GIPC2: variants seen among roughly 807,000 people sequenced by gnomAD.
GIPC2 encodes the protein PDZ domain-containing protein GIPC2.
A neutral mutation model predicts 30.6 loss-of-function variants in GIPC2; 30 were observed. That is an observed-to-expected ratio of 0.98 (90% CI 0.73 to 1.33). The LOEUF (loss-of-function observed/expected upper bound fraction) is 1.33, where lower values mean the gene tolerates loss of function less well. Among genes scored for constraint, GIPC2 ranks in the 40% most tolerant of loss-of-function variants. The pLI, the probability that GIPC2 is intolerant of heterozygous loss-of-function variation, is 0.00. For synonymous variants in GIPC2, 167 were observed against 150.0 expected, an observed-to-expected ratio of 1.11 and a Z score of -0.83; for missense variants, 414 against 390.3, an observed-to-expected ratio of 1.06 and a Z score of -0.51.
At chr1:78,129,266 T>A (rs1662844467) in intron 5 of GIPC2, among the ~76,000 whole-genome samples, 1 of 152,194 alleles carries the variant, frequency 6.6e-6, no homozygotes, top group African/African-American at 2.4e-5. Context: ...TGTAAGCCAT[T>A]GTTAAATTAG....
At chr1:78,132,277 G>C (rs1009059255) in intron 5 of GIPC2, among the ~76,000 whole-genome samples, 1 of 152,182 alleles carries the variant, frequency 6.6e-6, no homozygotes, top group African/African-American at 2.4e-5. Flanking sequence ...CATTCTTAGT[G>C]ATGATCACTA....
intron 4 of GIPC2, among the ~76,000 whole-genome samples, chr1:78,121,994 A>C (rs1357368885): frequency 2.6e-5 from 4 of 152,204 alleles, no homozygotes; most frequent in African/African-American, 9.7e-5. Flanking sequence ...AGCAGGAAAA[A>C]TGCCACGTCC....
At chr1:78,092,078 G>A in intron 2 of GIPC2, 3 of 1,462,968 alleles carry the variant, frequency 2.1e-6, no homozygotes, top group Non-Finnish European at 2.9e-6. Flanking sequence ...TTCACCCCCC[G>A]GCTTTGTGTC....
chr1:78,080,011 T>A (rs561237456), intron 1 of GIPC2, among the ~76,000 whole-genome samples: 43 of 151,934 alleles, frequency 2.8e-4, no homozygotes, highest in African/African-American at 8.4e-4. Flanking sequence ...CCCCCCTTTT[T>A]AAATTGGGTT....
chr1:78,122,222 A>G (rs1321669914), intron 4 of GIPC2, among the ~76,000 whole-genome samples: 1 of 152,248 alleles, frequency 6.6e-6, no homozygotes, highest in Non-Finnish European at 1.5e-5. Flanking sequence ...AATGAAAGGA[A>G]AAAGCTGTTT....
At chr1:78,069,345 C>G (rs753595412) in intron 1 of GIPC2, among the ~76,000 whole-genome samples, 3 of 152,240 alleles carry the variant, frequency 2.0e-5, no homozygotes, top group Admixed American at 2.0e-4. Flanking sequence ...TCAGGCCCAC[C>G]CATAGGTGAA....
At chr1:78,117,118 C>T (rs1662582641) in intron 3 of GIPC2, among the ~76,000 whole-genome samples, 1 of 152,146 alleles carries the variant, frequency 6.6e-6, no homozygotes, top group Admixed American at 6.5e-5. Context: ...GGCTAATATG[C>T]AGAATCTACA....
intron 3 of GIPC2, among the ~76,000 whole-genome samples, chr1:78,117,674 C>T (rs1662593814): frequency 6.6e-6 from 1 of 152,242 alleles, no homozygotes; most frequent in South Asian, 2.1e-4. Context: ...GGTTGGAGAC[C>T]TCTACTTCAG....
chr1:78,062,539 A>T (rs1213725470), intron 1 of GIPC2, among the ~76,000 whole-genome samples: 2 of 149,258 alleles, frequency 1.3e-5, no homozygotes, highest in African/African-American at 2.5e-5. Flanking sequence ...AGGGGGTCTC[A>T]GTCTGTCACC....
rs191151822 is a variant in GIPC2, at chr1:78,048,363, C to T, written c.240+2029C>T. Among the ~76,000 whole-genome samples the T allele has an allele frequency of 2.4e-4, 37 of 152,110 alleles. 1 individual carries two copies. The highest frequency in any genetic ancestry group is 1.4e-3 in the East Asian group (7 of 5,174). On this transcript the variant is annotated intron_variant, in intron 1 of 5. Transcript: ENST00000370759. ...GGTTCAGAATTTTTCCAGAATTACACATAGCAAGTGGCAGAGCCTGGATTT... is the reference window on the plus strand; with the variant it reads ...GGTTCAGAATTTTTCCAGAATTACATATAGCAAGTGGCAGAGCCTGGATTT...
Position 78,107,735 on chromosome 1 carries a change from G to A in GIPC2, c.608-11658G>A, listed in dbSNP as rs149335144. Among the ~76,000 whole-genome samples, 909 of 138,232 alleles carry A rather than the reference G, an allele frequency of 6.6e-3. 19 individuals carry two copies. In the East Asian group the frequency reaches 0.074, roughly 11 times the overall value. 90.7% of individuals were successfully genotyped at this position (138,232 alleles called of 152,430 possible). A position where few individuals can be genotyped will look rare whatever the true frequency, so the allele number is the denominator to read the frequency against. On this transcript the variant is annotated intron_variant, in intron 3 of 5. Transcript: ENST00000370759. ...AGCTACTGGGGAGGCTGAGGCATGA[G>A]AATCACTTGAACCTGGGAGGTGGAG...
intron 3 of GIPC2, among the ~76,000 whole-genome samples, chr1:78,106,298 G>A (rs377747369): frequency 2.7e-5 from 4 of 150,650 alleles, no homozygotes; most frequent in South Asian, 2.1e-4. Flanking sequence ...GGTGGCTCAC[G>A]CCTGTAATCC....
At chr1:78,072,295 T>G (rs1247760583) in intron 1 of GIPC2, among the ~76,000 whole-genome samples, 2 of 152,228 alleles carry the variant, frequency 1.3e-5, no homozygotes, top group East Asian at 1.9e-4. Context: ...CGATACAGCA[T>G]TTCACTGGAA....
chr1:78,108,647 G>C (rs923971719), intron 3 of GIPC2, among the ~76,000 whole-genome samples: 1 of 152,128 alleles, frequency 6.6e-6, no homozygotes, highest in Non-Finnish European at 1.5e-5. Context: ...AAATATTGGA[G>C]AGAGGAAGGA....
Position 78,135,792 on chromosome 1 carries a change from CT to C in GIPC2, c.*55del. On this transcript the variant is annotated 3_prime_UTR_variant, in exon 6 of 6. Coordinates refer to ENST00000370759, the MANE Select transcript of GIPC2 (RefSeq NM_017655.6). ...AACAACCCATCGTTCTTTTTTTTCT[CT>C]TTTTTAAAAAGTCCTATAAGATCTG... 1 of 1,519,600 alleles carries C rather than the reference CT, an allele frequency of 6.6e-7. No homozygotes were observed. The allele number at this position is 1,519,600 out of a possible 1,614,324, so 94.1% of individuals were successfully genotyped here. A position where few individuals can be genotyped will look rare whatever the true frequency, so the allele number is the denominator to read the frequency against.
upstream of GIPC2, chr1:78,045,817 A>AT (rs1440082266): frequency 5.0e-6 from 6 of 1,211,792 alleles, no homozygotes; most frequent in Admixed American, 4.6e-5. Flanking sequence ...AAATAGAGCC[A>AT]TTTTTTACAA....
chr1:78,125,906 T>C lies in GIPC2; in HGVS notation c.740T>C (p.Ile247Thr), dbSNP rs1662772447. ...CCTTCTGAAACCAAAGCAAAGGCAA[T>C]TGAAAAGATTGATGATGTTCTTGAG... ...EMPSETKAKAIEKIDDVLELY... is the reference protein window; with the variant it reads ...EMPSETKAKATEKIDDVLELY... The change falls in exon 5 of 6, where the codon ATT (isoleucine) becomes ACT (threonine). Residue 247 changes from isoleucine (I) to threonine (T), a missense_variant. Ile to Thr is a moderately conservative substitution (Grantham distance 89). Coordinates refer to ENST00000370759, the MANE Select transcript of GIPC2 (RefSeq NM_017655.6). The C allele has an allele frequency of 6.3e-7, 1 of 1,585,762 alleles. No individual in the cohort carries two copies. Among genetic ancestry groups the C allele is most frequent in the South Asian group, 1.1e-5 (1 of 90,504 alleles).
At chr1:78,090,314 C>T (rs1162903900) in intron 2 of GIPC2, among the ~76,000 whole-genome samples, 1 of 152,186 alleles carries the variant, frequency 6.6e-6, no homozygotes, top group Non-Finnish European at 1.5e-5. Context: ...CCTGCCTCAG[C>T]CTCCCGAGTA....
chr1:78,106,119 C>T (rs1301152787), intron 3 of GIPC2, among the ~76,000 whole-genome samples: 1 of 151,124 alleles, frequency 6.6e-6, no homozygotes, highest in Non-Finnish European at 1.5e-5. Flanking sequence ...CCTGTAATTC[C>T]AGCTACTTGG....
Sources: gnomAD v4.1 joint callset for allele counts (sites outside exome capture counted in the v4.1 genomes callset) on GRCh38, gnomAD v4.1.1 for gene constraint, MANE v1.5 for transcripts, NCBI Gene and HGNC (gene_info 2026-07-23, HGNC 2026-07-21) for gene names.